Variants in DLG5 observed in about 807,000 individuals in gnomAD.
DLG5 encodes disks large homolog 5.
DLG5 carries 48 observed loss-of-function variants against 189.8 expected under a neutral mutation model. The ratio of observed to expected loss-of-function variants is 0.25; its 90% CI spans 0.20 to 0.32. The LOEUF is 0.32. Among genes scored for constraint, DLG5 ranks in the 10% least tolerant of loss-of-function variants. DLG5 has a pLI of 1.00. For synonymous variants in DLG5, 1,016 were observed against 1,054.1 expected, an observed-to-expected ratio of 0.96 and a Z score of 0.70; for missense variants, 2,160 against 2,544.7, an observed-to-expected ratio of 0.85 and a Z score of 3.25.
At chr10:77,837,664 G>T (rs1843212672) in intron 7 of DLG5, among the ~76,000 whole-genome samples, 1 of 152,228 alleles carries the variant, frequency 6.6e-6, no homozygotes, top group African/African-American at 2.4e-5. Flanking sequence ...GACTGATTCT[G>T]ATTACACTGG....
At chr10:77,889,447 C>T (rs1454087469) in intron 1 of DLG5, 1 of 152,426 alleles carries the variant, frequency 6.6e-6, no homozygotes, top group Non-Finnish European at 1.5e-5. Context: ...ACAGCGCACT[C>T]TGTCCACCAG....
chr10:77,897,083 T>G (rs1241158251), intron 1 of DLG5, among the ~76,000 whole-genome samples: 1 of 151,884 alleles, frequency 6.6e-6, no homozygotes, highest in Non-Finnish European at 1.5e-5. Flanking sequence ...AAGCCAGGCA[T>G]GGTGGCTCAC....
Position 77,794,022 on chromosome 10 carries a change from C to T in DLG5, c.5642G>A (p.Ser1881Asn), listed in dbSNP as rs751368828. The change falls in exon 31 of 32, where the codon AGC becomes AAC. Residue 1881 changes from serine to asparagine, a missense_variant. This residue lies in a region of DLG5 where 574 missense variants were observed against 644.2 expected (regional missense o/e 0.89). Coordinates refer to ENST00000372391, the MANE Select transcript of DLG5 (RefSeq NM_004747.4). ...EAAQKLEQEYSRYFTGVIQGG... is the reference protein window; with the variant it reads ...EAAQKLEQEYNRYFTGVIQGG... The stretch of plus-strand genomic sequence containing the variant: ...CGCACACCTACCTGTGAAGTACCTG[C>T]TGTACTCCTGCTCAAGCTTCTGCGC... 3.1e-6 allele frequency: 5 copies of T among 1,613,826 alleles called. No individual in the cohort carries two copies. In the Admixed American group the frequency reaches 6.7e-5, roughly 22 times the overall value.
intron 11 of DLG5, 40 bp from the exon 12 acceptor site, chr10:77,829,570 G>A (rs780846941): frequency 2.6e-6 from 4 of 1,555,468 alleles, no homozygotes; most frequent in Non-Finnish European, 2.6e-6. Context: ...CACACAGGCT[G>A]TGGGACCAGC....
chr10:77,902,942 C>T (rs1235736252), intron 1 of DLG5, among the ~76,000 whole-genome samples: 3 of 151,762 alleles, frequency 2.0e-5, no homozygotes, highest in South Asian at 2.1e-4. Flanking sequence ...GGCGACAGAG[C>T]GAGACTCCGT....
intron 1 of DLG5, among the ~76,000 whole-genome samples, chr10:77,913,366 ATT>A (rs952647625): frequency 2.0e-5 from 3 of 152,214 alleles, no homozygotes; most frequent in Non-Finnish European, 2.9e-5. Flanking sequence ...TAAAATCCTG[ATT>A]TTAATAAGCC....
chr10:77,842,251 G>C, intron 6 of DLG5, 58 bp from the exon 7 acceptor site: 2 of 1,555,042 alleles, frequency 1.3e-6, no homozygotes, highest in Admixed American at 1.7e-5. Flanking sequence ...GTCAGTGGCC[G>C]GCTGCGCTGC....
rs546477836 is a variant in DLG5, at chr10:77,894,173, A to AG, written c.305-24977dup. 3.6e-3 allele frequency among the ~76,000 whole-genome samples: 550 copies of AG among 152,272 alleles called. 4 individuals are homozygous for AG. The highest frequency in any genetic ancestry group is 0.024 in the South Asian group (117 of 4,820). ...ATACAAAAACAGCAAGGTATCTACA[A>AG]GGGGGGTCAGGATTGCAGAGGGGCT... On this transcript the variant is annotated intron_variant, in intron 1 of 31. Coordinates refer to ENST00000372391, the MANE Select transcript of DLG5 (RefSeq NM_004747.4).
chr10:77,855,604 G>T (rs1844190923), intron 3 of DLG5, among the ~76,000 whole-genome samples: 1 of 152,228 alleles, frequency 6.6e-6, no homozygotes, highest in African/African-American at 2.4e-5. Flanking sequence ...AAAACAGGCA[G>T]TGGGCCCGTG....
intron 1 of DLG5, among the ~76,000 whole-genome samples, chr10:77,918,153 G>A (rs1159525617): frequency 2.0e-5 from 3 of 152,122 alleles, no homozygotes; most frequent in Non-Finnish European, 4.4e-5. Context: ...GCTCACGCCT[G>A]TAATCCCAGC....
intron 3 of DLG5, 51 bp from the exon 4 acceptor site, chr10:77,854,421 G>A (rs750263083): frequency 2.1e-5 from 34 of 1,605,066 alleles, no homozygotes; most frequent in East Asian, 6.7e-5. Flanking sequence ...GGATTCACAC[G>A]GATAGAGGAA....
chr10:77,934,265 G>A, the DLG5 span, among the ~76,000 whole-genome samples: 12 of 150,860 alleles, frequency 8.0e-5, no homozygotes, highest in Admixed American at 7.3e-4. Context: ...CAGCTACTTG[G>A]GAGGCTGAGG....
upstream of DLG5, chr10:77,927,078 C>A: frequency 5.1e-6 from 1 of 197,266 alleles, no homozygotes. Context: ...ACCCGCTCCC[C>A]CGTGGCCACA....
chr10:77,852,607 G>A (rs1341228325), intron 5 of DLG5, among the ~76,000 whole-genome samples: 1 of 152,006 alleles, frequency 6.6e-6, no homozygotes, highest in East Asian at 2.0e-4. Flanking sequence ...AGTAGAGATG[G>A]GGTTTCGCCA....
At chr10:77,927,690 A>T (rs967169684), upstream of DLG5, 14 of 152,190 alleles carry the variant, frequency 9.2e-5, no homozygotes, top group Admixed American at 8.5e-4. Flanking sequence ...AATGTCTCAG[A>T]GGGAGACAAA....
At chr10:77,881,875 GCAT>G (rs1285217164) in intron 1 of DLG5, among the ~76,000 whole-genome samples, 2 of 152,334 alleles carry the variant, frequency 1.3e-5, no homozygotes, top group East Asian at 3.9e-4. Flanking sequence ...CAAGGACATG[GCAT>G]CCCAGGCTTC....
Position 77,821,434 on chromosome 10 carries a change from C to A in DLG5, c.3050G>T (p.Arg1017Ile). ...AGPLTPPKPP[R>I]RSDSIKFQHR... ...CTGGAACTTAATGGAGTCGCTCCTT[C>A]TGGGAGGTTTTGGGGGTGTCAGAGG... The change falls in exon 15 of 32, where the codon AGA becomes ATA. Residue 1017 changes from arginine to isoleucine, a missense_variant. Physicochemically the swap from Arg to Ile is moderately conservative, Grantham distance 97. This residue lies in a region of DLG5 where 754 missense variants were observed against 746.5 expected (regional missense o/e 1.01). Transcript: ENST00000372391. 1 of 1,611,838 alleles carries A rather than the reference C, an allele frequency of 6.2e-7. No individual in the cohort carries two copies. Among genetic ancestry groups the A allele is most frequent in the South Asian group, 1.1e-5 (1 of 91,058 alleles).
At chr10:77,890,146 A>G (rs1210284639) in intron 1 of DLG5, among the ~76,000 whole-genome samples, 1 of 152,202 alleles carries the variant, frequency 6.6e-6, no homozygotes, top group Non-Finnish European at 1.5e-5. Flanking sequence ...TTAGAGGCAG[A>G]TTGGGGCCAA....
chr10:77,881,890 C>A (rs1589249996), intron 1 of DLG5, among the ~76,000 whole-genome samples: 1 of 152,218 alleles, frequency 6.6e-6, no homozygotes, highest in Non-Finnish European at 1.5e-5. Flanking sequence ...CCAGGCTTCA[C>A]AGGTCGGGGA....
Sources: gnomAD v4.1 joint callset for allele counts (sites outside exome capture counted in the v4.1 genomes callset) on GRCh38, gnomAD v4.1.1 for gene constraint, gnomAD v4.1.1 regional missense constraint, MANE v1.5 for transcripts, NCBI Gene and HGNC (gene_info 2026-07-23, HGNC 2026-07-21) for gene names.